Variants in PLA2R1 observed in about 807,000 individuals in gnomAD.
The protein encoded by PLA2R1 is phospholipase A2 receptor 1.
In PLA2R1, 158 loss-of-function variants were observed where a neutral mutation model predicts 195.9. The ratio of observed to expected loss-of-function variants is 0.81; its 90% CI spans 0.71 to 0.92. PLA2R1 has a LOEUF of 0.92. PLA2R1 is among the 40% of genes least tolerant of loss of function. PLA2R1 has a pLI of 0.00. For synonymous variants in PLA2R1, 586 were observed against 598.2 expected, an observed-to-expected ratio of 0.98 and a Z score of 0.30; for missense variants, 1,626 against 1,764.6, an observed-to-expected ratio of 0.92 and a Z score of 1.41.
chr2:160,043,297 G>A (rs1030124194), intron 2 of PLA2R1, among the ~76,000 whole-genome samples: 1 of 152,132 alleles, frequency 6.6e-6, no homozygotes. Flanking sequence ...AGAGGGTGAA[G>A]CGAGACAGCT....
intron 24 of PLA2R1, among the ~76,000 whole-genome samples, chr2:159,950,690 A>T (rs142703159): frequency 5.3e-4 from 80 of 152,322 alleles, no homozygotes; most frequent in African/African-American, 1.8e-3. Context: ...AAAACAATGT[A>T]CATATTCTTC....
At chr2:160,061,345 G>C in intron 1 of PLA2R1, among the ~76,000 whole-genome samples, 1 of 152,188 alleles carries the variant, frequency 6.6e-6, no homozygotes, top group East Asian at 1.9e-4. Context: ...ACAACCTTCT[G>C]AGTCTCATGT....
intron 20 of PLA2R1, among the ~76,000 whole-genome samples, chr2:159,965,149 C>G (rs978730161): frequency 6.6e-6 from 1 of 152,192 alleles, no homozygotes; most frequent in African/African-American, 2.4e-5. Context: ...CCTGCATTAA[C>G]ACATCATAAC....
At chr2:159,988,536 C>T (rs1326613916) in intron 11 of PLA2R1, among the ~76,000 whole-genome samples, 1 of 152,120 alleles carries the variant, frequency 6.6e-6, no homozygotes, top group African/African-American at 2.4e-5. Flanking sequence ...CCAGAGATGT[C>T]AGTAAAACAT....
chr2:159,977,465 G>A, intron 14 of PLA2R1, 49 bp from the exon 15 acceptor site: 1 of 1,584,144 alleles, frequency 6.3e-7, no homozygotes, highest in Non-Finnish European at 8.6e-7. Flanking sequence ...CCCCCACAAA[G>A]TTTCAAAAGA....
At chr2:159,925,113 A>C in the PLA2R1 span, among the ~76,000 whole-genome samples, 1 of 152,180 alleles carries the variant, frequency 6.6e-6, no homozygotes, top group South Asian at 2.1e-4. Context: ...CATGTCAGCA[A>C]TGAATTTTCC....
intron 1 of PLA2R1, among the ~76,000 whole-genome samples, chr2:160,061,860 G>A (rs944842172): frequency 2.7e-4 from 41 of 152,182 alleles, no homozygotes; most frequent in African/African-American, 8.7e-4. Flanking sequence ...AGGTGGCGAC[G>A]CAGACCCTGA....
At chr2:159,993,277 T>A (rs1358926367) in intron 11 of PLA2R1, among the ~76,000 whole-genome samples, 1 of 152,084 alleles carries the variant, frequency 6.6e-6, no homozygotes, top group Non-Finnish European at 1.5e-5. Flanking sequence ...AAATACCAAG[T>A]GTCAGAGAGT....
chr2:159,953,369 T>G (rs910143886), intron 23 of PLA2R1, among the ~76,000 whole-genome samples: 1 of 152,256 alleles, frequency 6.6e-6, no homozygotes, highest in African/African-American at 2.4e-5. Context: ...TAAGCACATA[T>G]GTATCTGACA....
In PLA2R1 at chr2:159,941,965, G is replaced by C; in HGVS notation, c.4205C>G (p.Ala1402Gly). ...KGPSHSIIPL[A>G]VVLTLIVIVA... ...AATGACTATCAGTGTCAGTACAACC[G>C]CAAGAGGAATGATGCTGTGACTTGG... is the stretch of plus-strand genomic sequence containing the variant. Residue 1402 changes from alanine (A) to glycine (G), a missense_variant, in exon 30 of 30, where the codon GCG (alanine) becomes GGG (glycine). Ala to Gly is a moderately conservative substitution (Grantham distance 60). Transcript: ENST00000283243. 5 of 1,613,522 alleles carry C rather than the reference G, an allele frequency of 3.1e-6. No individual in the cohort carries two copies. The highest frequency in any genetic ancestry group is 4.2e-6 in the Non-Finnish European group (5 of 1,179,554).
intron 17 of PLA2R1, among the ~76,000 whole-genome samples, chr2:159,973,261 A>C (rs1459307584): frequency 6.6e-6 from 1 of 152,100 alleles, no homozygotes; most frequent in Non-Finnish European, 1.5e-5. Flanking sequence ...ACCACCACCA[A>C]CAATAAGTGC....
At chr2:160,034,059 T>C (rs1694024597) in intron 3 of PLA2R1, among the ~76,000 whole-genome samples, 2 of 152,238 alleles carry the variant, frequency 1.3e-5, no homozygotes, top group Admixed American at 1.3e-4. Context: ...TAGCGTTCTC[T>C]GGGAAATTCA....
chr2:159,976,155 A>G lies in PLA2R1; in HGVS notation c.2508T>C (p.Phe836=), dbSNP rs779944243. 6.2e-6 allele frequency: 10 copies of G among 1,612,130 alleles called. No homozygotes were observed. The highest frequency in any genetic ancestry group is 5.9e-6 in the Non-Finnish European group (7 of 1,178,304). The stretch of plus-strand genomic sequence containing the variant: ...TGTGCAGCCAGCTACAGACAAACTC[A>G]AAGTTCAACCATTCTGAGGCAAAGG... ...FHTFASEWLN[F]EFVCSWLHSD... The change falls in exon 17 of 30, where the codon TTT becomes TTC. Residue 836 remains phenylalanine, a synonymous_variant. Transcript: ENST00000283243.
intron 17 of PLA2R1, among the ~76,000 whole-genome samples, chr2:159,970,640 G>T (rs1401637803): frequency 6.6e-6 from 1 of 152,084 alleles, no homozygotes; most frequent in Non-Finnish European, 1.5e-5. Flanking sequence ...TTAGTATAAA[G>T]ATACTGATTT....
At chr2:159,977,124 C>T (rs143815010) in intron 15 of PLA2R1, among the ~76,000 whole-genome samples, 160 bp downstream of exon 15, 3 of 152,270 alleles carry the variant, frequency 2.0e-5, no homozygotes, top group African/African-American at 7.2e-5. Flanking sequence ...GCATTGGTGT[C>T]GCCTTTTCCC....
chr2:160,016,174 G>T (rs537923842), intron 9 of PLA2R1, among the ~76,000 whole-genome samples: 1 of 149,280 alleles, frequency 6.7e-6, no homozygotes, highest in Non-Finnish European at 1.5e-5. Flanking sequence ...TGAGGCATGC[G>T]AATTGCTTGA....
chr2:159,967,465 T>C, intron 20 of PLA2R1, 74 bp downstream of exon 20: 3 of 1,339,702 alleles, frequency 2.2e-6, no homozygotes, highest in South Asian at 2.9e-5. Context: ...AAAGCCACTT[T>C]CACTTTTTGA....
intron 6 of PLA2R1, among the ~76,000 whole-genome samples, chr2:160,024,030 C>T (rs1383581269): frequency 1.4e-5 from 2 of 148,144 alleles, no homozygotes; most frequent in Non-Finnish European, 2.9e-5. Context: ...ACTGAGGACC[C>T]CTGCAGCCCC....
chr2:160,062,429 C>T lies in PLA2R1; in HGVS notation c.-26G>A. ...CGCTAACCACTGGGCTCTCCGGGAG[C>T]CCCTTGTCCCGGGAGCCCCTTATCC... On this transcript the variant is annotated 5_prime_UTR_variant, in exon 1 of 30. Transcript: ENST00000283243. 6.6e-7 allele frequency: 1 copy of T among 1,523,124 alleles called. No individual in the cohort carries two copies. Among genetic ancestry groups the T allele is most frequent in the Non-Finnish European group, 8.8e-7 (1 of 1,136,136 alleles). The allele number at this position is 1,523,124 out of a possible 1,614,324, so 94.4% of individuals were successfully genotyped here. A position where few individuals can be genotyped will look rare whatever the true frequency, so the allele number is the denominator to read the frequency against.
Sources: gnomAD v4.1 joint callset for allele counts (sites outside exome capture counted in the v4.1 genomes callset) on GRCh38, gnomAD v4.1.1 for gene constraint, MANE v1.5 for transcripts, NCBI Gene and HGNC (gene_info 2026-07-23, HGNC 2026-07-21) for gene names.